Variants in TIMP2 observed in about 807,000 individuals in gnomAD.
The protein encoded by TIMP2 is metalloproteinase inhibitor 2.
Under a neutral mutation model 24.3 loss-of-function variants are expected in TIMP2, and 5 were observed. The ratio of observed to expected loss-of-function variants is 0.21; its 90% CI spans 0.11 to 0.43. TIMP2 has a LOEUF of 0.43. Among genes scored for constraint, TIMP2 ranks in the 20% least tolerant of loss-of-function variants. TIMP2 has a pLI of 1.00. For synonymous variants in TIMP2, 130 were observed against 123.2 expected (o/e 1.06, Z -0.37); for missense variants, 221 against 297.5 (o/e 0.74, Z 1.89).
chr17:78,874,211 A>G (rs2377005), intron 1 of TIMP2: 357,419 of 389,764 alleles, frequency 0.92, 164,422 homozygotes, highest in African/African-American at 0.95. Flanking sequence ...TGACCAAGGC[A>G]GTTTCTGTAA....
intron 1 of TIMP2, chr17:78,890,608 A>G (rs997475481): frequency 6.5e-7 from 1 of 1,538,238 alleles, no homozygotes; most frequent in African/African-American, 1.4e-5. Flanking sequence ...ATTATCAGTG[A>G]TGTATTTACC....
At chr17:78,890,745 G>A in intron 1 of TIMP2, 1 of 1,550,664 alleles carries the variant, frequency 6.4e-7, no homozygotes, top group Non-Finnish European at 8.7e-7. Context: ...CGGATCATCT[G>A]ACTGTGCCGG....
chr17:78,912,934 G>A (rs139814672), intron 1 of TIMP2, among the ~76,000 whole-genome samples: 5 of 152,186 alleles, frequency 3.3e-5, no homozygotes, highest in Non-Finnish European at 5.9e-5. Context: ...GCCAGGCACC[G>A]TGGCACAAGC....
Position 78,890,762 on chromosome 17 carries a change from T to G in TIMP2, c.131-16843A>C, listed in dbSNP as rs1190362422. 5.8e-6 allele frequency: 9 copies of G among 1,550,662 alleles called. No individual in the cohort carries two copies. The Admixed American group carries it at 1.8e-4, about 30-fold the overall frequency. On this transcript the variant is annotated intron_variant, in intron 1 of 4. Coordinates refer to ENST00000262768, the MANE Select transcript of TIMP2 (RefSeq NM_003255.5). The stretch of plus-strand genomic sequence containing the variant: ...GATCATCTGACTGTGCCGGTCGTCG[T>G]CGGCGAGGCTGGTGCCCGATGGGGA...
intron 1 of TIMP2, among the ~76,000 whole-genome samples, chr17:78,918,065 A>ACACACGCGCACACACACAC (rs1555652947): frequency 6.9e-6 from 1 of 144,812 alleles, no homozygotes. Flanking sequence ...TGCACACACA[A>ACACACGCGCACACACACAC]ACACACACAC....
chr17:78,895,792 G>A (rs536039564), intron 1 of TIMP2, among the ~76,000 whole-genome samples: 2 of 152,298 alleles, frequency 1.3e-5, no homozygotes, highest in East Asian at 3.9e-4. Context: ...CGGGGCTGCT[G>A]TGAATGCCCC....
rs1482182851 is a variant in TIMP2, at chr17:78,854,174, C to T, written c.*1493G>A. Reference sequence around the variant, plus strand: ...GCATTTTGCAAGACCACGCCCAGGCCGCCAAGCTTCGGTTTCATTGCGTGT... The same window carrying T: ...GCATTTTGCAAGACCACGCCCAGGCTGCCAAGCTTCGGTTTCATTGCGTGT... On this transcript the variant is annotated 3_prime_UTR_variant, in exon 5 of 5. Coordinates refer to ENST00000262768, the MANE Select transcript of TIMP2 (RefSeq NM_003255.5). The T allele has an allele frequency of 2.6e-5, 4 of 152,020 alleles. No individual in the cohort carries two copies. The highest frequency in any genetic ancestry group is 4.8e-5 in the African/African-American group (2 of 41,382). 9.4% of individuals were successfully genotyped at this position (152,020 alleles called of 1,614,324 possible).
rs536953299 is a variant in TIMP2 at position 78,922,864 on chromosome 17, C to A, written c.130+2095G>T. Reference sequence around the variant, plus strand: ...CGAGAGAAGGCCATGTGAAGACAGGCGGAAATGGAAGTGATGTGTTCCTTG... The same window carrying A: ...CGAGAGAAGGCCATGTGAAGACAGGAGGAAATGGAAGTGATGTGTTCCTTG... On this transcript the variant is annotated intron_variant, in intron 1 of 4. Transcript: ENST00000262768. Among the ~76,000 whole-genome samples the A allele has an allele frequency of 3.0e-4, 46 of 152,124 alleles. 2 individuals are homozygous for A. The South Asian group carries it at 9.6e-3, about 32-fold the overall frequency.
rs1026096163 is a variant in TIMP2, at chr17:78,920,431, C to T, written c.130+4528G>A. Among the ~76,000 whole-genome samples the T allele has an allele frequency of 1.3e-5, 2 of 152,154 alleles. No homozygotes were observed. Among genetic ancestry groups the T allele is most frequent in the African/African-American group, 4.8e-5 (2 of 41,438 alleles). ...TCCTCAGATCCCAGATAGGGAGAAA[C>T]GTGTGTTGTCCAGAGAGCTCCTTCC... On this transcript the variant is annotated intron_variant, in intron 1 of 4. Coordinates refer to ENST00000262768, the MANE Select transcript of TIMP2 (RefSeq NM_003255.5). This position sits in a 1 kb window ranked among gnomAD's most constrained non-coding sequence, Gnocchi z 4.5.
chr17:78,862,198 G>A (rs538707694), intron 3 of TIMP2, among the ~76,000 whole-genome samples: 118 of 152,346 alleles, frequency 7.7e-4, no homozygotes, highest in Non-Finnish European at 1.2e-3. Flanking sequence ...GGTCCAGGAG[G>A]AGGTGGCCCG....
chr17:78,892,810 C>T (rs2069922423), intron 1 of TIMP2, among the ~76,000 whole-genome samples: 1 of 152,164 alleles, frequency 6.6e-6, no homozygotes, highest in Non-Finnish European at 1.5e-5. Context: ...CCCCACACTG[C>T]ACAGGAGGGC....
chr17:78,872,792 C>T (rs1034305435), intron 2 of TIMP2, among the ~76,000 whole-genome samples: 1 of 152,066 alleles, frequency 6.6e-6, no homozygotes, highest in Non-Finnish European at 1.5e-5. Context: ...ATGAAGCATT[C>T]CACTGACCTT....
intron 4 of TIMP2, chr17:78,856,533 G>A (rs1050936420): frequency 5.9e-5 from 9 of 153,160 alleles, no homozygotes; most frequent in African/African-American, 1.9e-4. Flanking sequence ...CAGACTCACT[G>A]GGAGTGACCC....
intron 1 of TIMP2, among the ~76,000 whole-genome samples, chr17:78,889,315 G>A (rs1409427938): frequency 1.3e-5 from 2 of 152,222 alleles, no homozygotes; most frequent in Non-Finnish European, 2.9e-5. Context: ...CTAGCGGGGA[G>A]GAAACTGATC....
chr17:78,923,396 T>TGGGGGGGGGGGGGGGGG (rs1255104339), intron 1 of TIMP2, among the ~76,000 whole-genome samples: 31 of 47,668 alleles, frequency 6.5e-4, no homozygotes, highest in South Asian at 9.5e-4. Context: ...TGGGGCGGGG[T>TGGGGGGGGGGGGGGGGG]GGGGGGGGGG....
rs2069706580 is a variant in TIMP2, at chr17:78,873,870, G to A, written c.180C>T (p.Asp60=). 1.9e-6 allele frequency: 3 copies of A among 1,613,280 alleles called. No homozygotes were observed. The African/African-American group carries it at 4.0e-5, about 22-fold the overall frequency. The change falls in exon 2 of 5, where the codon GAC becomes GAT. Residue 60 remains aspartate (D), a synonymous_variant. Coordinates refer to ENST00000262768, the MANE Select transcript of TIMP2 (RefSeq NM_003255.5). The part of the protein sequence containing the change: ...VSEKEVDSGN[D]IYGNPIKRIQ... The stretch of plus-strand genomic sequence containing the variant: ...TCCTCTTGATAGGGTTGCCATAAAT[G>A]TCGTTTCCAGAGTCCACTTCCTTCT...
chr17:78,895,890 C>T (rs2069991297), intron 1 of TIMP2, among the ~76,000 whole-genome samples: 1 of 152,230 alleles, frequency 6.6e-6, no homozygotes, highest in Non-Finnish European at 1.5e-5. Flanking sequence ...CCTTGTCAAC[C>T]AACAATTAGT....
rs2069517991 is a variant in TIMP2 at position 78,855,519 on chromosome 17, G to C, written c.*148C>G. On this transcript the variant is annotated 3_prime_UTR_variant, in exon 5 of 5. Coordinates refer to ENST00000262768, the MANE Select transcript of TIMP2 (RefSeq NM_003255.5). The surrounding 1 kb of genome is among the most constrained non-coding windows in gnomAD (Gnocchi z 6.0). Reference sequence around the variant, plus strand: ...CCAGACCCACAACCATGTCTAAAAGGAGAAGGGGGGAGCAGAATCATATTA... The same window carrying C: ...CCAGACCCACAACCATGTCTAAAAGCAGAAGGGGGGAGCAGAATCATATTA... 1 of 956,202 alleles carries C rather than the reference G, an allele frequency of 1.0e-6. No individual in the cohort carries two copies. Among genetic ancestry groups the C allele is most frequent in the African/African-American group, 1.6e-5 (1 of 60,762 alleles). 59.2% of individuals were successfully genotyped at this position (956,202 alleles called of 1,614,324 possible). A position where few individuals can be genotyped will look rare whatever the true frequency, so the allele number is the denominator to read the frequency against.
At chr17:78,914,135 A>G (rs2070233484) in intron 1 of TIMP2, among the ~76,000 whole-genome samples, 1 of 152,174 alleles carries the variant, frequency 6.6e-6, no homozygotes, top group Non-Finnish European at 1.5e-5. Context: ...GGCAGCTGCG[A>G]CTAACGCTGG....
Sources: allele counts gnomAD v4.1 joint callset (sites outside exome capture counted in the v4.1 genomes callset), GRCh38; gene constraint gnomAD v4.1.1; non-coding constraint Gnocchi (gnomAD v3.1); transcripts MANE v1.5; gene names NCBI Gene and HGNC (gene_info 2026-07-23, HGNC 2026-07-21).